MEGF6: variants seen among roughly 807,000 people sequenced by gnomAD.
MEGF6 encodes multiple EGF like domains 6.
MEGF6 carries 184 observed loss-of-function variants against 207.1 expected under a neutral mutation model. The observed-to-expected ratio is 0.89, with a 90% CI of 0.79 to 1.00. MEGF6 has a LOEUF of 1.00. Ranked by LOEUF, MEGF6 falls within the 50% of genes least tolerant of loss-of-function variation. MEGF6 has a pLI of 0.00. For missense variants in MEGF6, 2,282 were observed against 2,202.9 expected, an observed-to-expected ratio of 1.04 and a Z score of -0.72; for synonymous variants, 1,038 against 910.0, an observed-to-expected ratio of 1.14 and a Z score of -2.53.
At chr1:3,540,794 T>C (rs1459751968) in intron 4 of MEGF6, among the ~76,000 whole-genome samples, 2 of 152,190 alleles carry the variant, frequency 1.3e-5, no homozygotes, top group African/African-American at 4.8e-5. Context: ...AGAGCCTTCC[T>C]GGCCTCCTCA....
chr1:3,614,138 G>A (rs959213314), upstream of MEGF6, among the ~76,000 whole-genome samples: 67 of 152,146 alleles, frequency 4.4e-4, no homozygotes, highest in Non-Finnish European at 2.8e-4. Flanking sequence ...GCGCTCGCTC[G>A]TCCATAGACA....
At chr1:3,601,698 A>G (rs1644161542) in intron 2 of MEGF6, among the ~76,000 whole-genome samples, 1 of 152,200 alleles carries the variant, frequency 6.6e-6, no homozygotes, top group African/African-American at 2.4e-5. Flanking sequence ...TTATTGCTTA[A>G]CGGTTTTTTT....
chr1:3,594,727 G>A lies in MEGF6; in HGVS notation c.376+611C>T, dbSNP rs922626517. Among the ~76,000 whole-genome samples, 7 of 152,166 alleles carry A rather than the reference G, an allele frequency of 4.6e-5. No individual in the cohort carries two copies. Among genetic ancestry groups the A allele is most frequent in the East Asian group, 1.9e-4 (1 of 5,190 alleles). Reference sequence around the variant, plus strand: ...TTTACAAAGCAGAGGCTTGAGAGCCGCCCGCTCAGCTCAGACCACCCAATT... The same window carrying A: ...TTTACAAAGCAGAGGCTTGAGAGCCACCCGCTCAGCTCAGACCACCCAATT... On this transcript the variant is annotated intron_variant, in intron 3 of 36. Transcript: ENST00000356575. The surrounding 1 kb of genome is among the most constrained non-coding windows in gnomAD (Gnocchi z 4.2).
intron 4 of MEGF6, among the ~76,000 whole-genome samples, chr1:3,568,377 A>T (rs368139948): frequency 1.6e-4 from 24 of 148,540 alleles, no homozygotes; most frequent in African/African-American, 6.3e-4. Context: ...CCTAGGTCCC[A>T]CATGGGGGCT....
chr1:3,523,816 G>A (rs1054953571), intron 5 of MEGF6, among the ~76,000 whole-genome samples: 34 of 152,312 alleles, frequency 2.2e-4, no homozygotes, highest in African/African-American at 7.5e-4. Context: ...CTCCACCCAC[G>A]GGCTCACTCC....
intron 4 of MEGF6, among the ~76,000 whole-genome samples, chr1:3,531,821 G>A (rs1262632609): frequency 1.3e-5 from 2 of 151,522 alleles, no homozygotes; most frequent in African/African-American, 2.4e-5. Context: ...CGGGGCGGGG[G>A]AGGGGGGCCG....
rs369107442 is a variant in MEGF6 at position 3,505,531 on chromosome 1, C to T, written c.1944G>A (p.Pro648=). The change falls in exon 16 of 37, where the codon CCG becomes CCA. Residue 648 remains proline, a synonymous_variant. Transcript: ENST00000356575. ...HLTCPPWAFG[P]GCSEECQCVQ... ...CACACTGGCACTCCTCCGAGCAGCCCGGCCCAAAGGCCCACGGCGGGCAGG... is the reference window on the plus strand; with the variant it reads ...CACACTGGCACTCCTCCGAGCAGCCTGGCCCAAAGGCCCACGGCGGGCAGG... 14 of 1,594,684 alleles carry T rather than the reference C, an allele frequency of 8.8e-6. No individual in the cohort carries two copies. Among genetic ancestry groups the T allele is most frequent in the African/African-American group, 2.7e-5 (2 of 74,718 alleles).
intron 4 of MEGF6, among the ~76,000 whole-genome samples, chr1:3,539,444 C>T (rs912086124): frequency 5.3e-5 from 8 of 152,078 alleles, no homozygotes; most frequent in Non-Finnish European, 1.0e-4. Context: ...CACCTGCACA[C>T]GCCTGGCTCA....
chr1:3,528,018 C>T (rs367727231), intron 4 of MEGF6, among the ~76,000 whole-genome samples: 2 of 152,228 alleles, frequency 1.3e-5, no homozygotes, highest in East Asian at 3.9e-4. Context: ...GTGGGGGAGA[C>T]AGGGCCTGGG....
At chr1:3,564,201 C>T (rs1312803465) in intron 4 of MEGF6, among the ~76,000 whole-genome samples, 3 of 13,868 alleles carry the variant, frequency 2.2e-4, no homozygotes, top group East Asian at 2.5e-3. Context: ...GGAGCTGAGT[C>T]GGGGGTGCAG....
chr1:3,516,371 G>A (rs1385585159), intron 5 of MEGF6, among the ~76,000 whole-genome samples: 1 of 152,240 alleles, frequency 6.6e-6, no homozygotes, highest in Non-Finnish European at 1.5e-5. Flanking sequence ...TGTGGTTAGG[G>A]AGGGAGTCAG....
chr1:3,537,841 C>A (rs1206256049), intron 4 of MEGF6, among the ~76,000 whole-genome samples: 1 of 152,198 alleles, frequency 6.6e-6, no homozygotes, highest in Non-Finnish European at 1.5e-5. Context: ...CTGGTCCATG[C>A]ACAGGTGGAG....
At chr1:3,515,548 C>A (rs201659724) in intron 5 of MEGF6, 21 bp from the exon 6 acceptor site, 52 of 1,607,294 alleles carry the variant, frequency 3.2e-5, no homozygotes, top group South Asian at 1.1e-5. Flanking sequence ...AGGGAGGACC[C>A]CAAGTCAGCC....
chr1:3,560,019 GAAAAAAA>G lies in MEGF6; in HGVS notation c.481+19799_481+19805del, dbSNP rs56851590. Among the ~76,000 whole-genome samples, 1 of 97,486 alleles carries G rather than the reference GAAAAAAA, an allele frequency of 1.0e-5. No homozygotes were observed. Among genetic ancestry groups the G allele is most frequent in the East Asian group, 2.7e-4 (1 of 3,658 alleles). 64.0% of individuals were successfully genotyped at this position (97,486 alleles called of 152,430 possible). A position where few individuals can be genotyped will look rare whatever the true frequency, so the allele number is the denominator to read the frequency against. On this transcript the variant is annotated intron_variant, in intron 4 of 36. Coordinates refer to ENST00000356575, the MANE Select transcript of MEGF6 (RefSeq NM_001409.4). This position sits in a 1 kb window ranked among gnomAD's most constrained non-coding sequence, Gnocchi z 4.0. Reference sequence around the variant, plus strand: ...TATGAGAGTCCGTCTCAAAATAAAAGAAAAAAAAAAAAAAAAAGGAAACACGATGAGC... The same window carrying G: ...TATGAGAGTCCGTCTCAAAATAAAAGAAAAAAAAAAGGAAACACGATGAGC...
At chr1:3,582,316 C>G (rs1643818061) in intron 3 of MEGF6, among the ~76,000 whole-genome samples, 1 of 152,212 alleles carries the variant, frequency 6.6e-6, no homozygotes, top group South Asian at 2.1e-4. Context: ...ATCCTCCCAG[C>G]AGCTCACCGA....
the MEGF6 span, among the ~76,000 whole-genome samples, chr1:3,620,765 G>A: frequency 6.6e-6 from 1 of 152,224 alleles, no homozygotes; most frequent in East Asian, 1.9e-4. Flanking sequence ...GGCCCTGGGG[G>A]ACCACTATTA....
At chr1:3,531,515 C>T (rs1460490850) in intron 4 of MEGF6, 2 of 1,040,632 alleles carry the variant, frequency 1.9e-6, no homozygotes, top group East Asian at 8.0e-5. Flanking sequence ...CCCCCGGCCC[C>T]GCCCCGAGCC....
intron 2 of MEGF6, 100 bp from the exon 3 acceptor site, chr1:3,595,547 T>C: frequency 9.7e-7 from 1 of 1,026,648 alleles, no homozygotes; most frequent in Non-Finnish European, 1.5e-6. Flanking sequence ...TCAGCCGGGT[T>C]CCCGGCGGCA....
chr1:3,518,129 T>A (rs758801565), intron 5 of MEGF6, among the ~76,000 whole-genome samples: 2 of 152,148 alleles, frequency 1.3e-5, no homozygotes, highest in Non-Finnish European at 2.9e-5. Flanking sequence ...CCCTAAAAAA[T>A]CCTGTGTTGG....
Sources: allele counts gnomAD v4.1 joint callset (sites outside exome capture counted in the v4.1 genomes callset), GRCh38; gene constraint gnomAD v4.1.1; non-coding constraint Gnocchi (gnomAD v3.1); transcripts MANE v1.5; gene names NCBI Gene and HGNC (gene_info 2026-07-23, HGNC 2026-07-21).